DIAPH3: variants seen among roughly 807,000 people sequenced by gnomAD.
The protein encoded by DIAPH3 is diaphanous related formin 3, also known as protein diaphanous homolog 3.
Under a neutral mutation model 144.3 loss-of-function variants are expected in DIAPH3, and 117 were observed. That is an observed-to-expected ratio of 0.81 (90% confidence interval 0.70 to 0.95). DIAPH3 has a LOEUF of 0.95. DIAPH3 is among the 40% of genes least tolerant of loss of function. The probability of loss-of-function intolerance (pLI) is 0.00; values close to 1 mark genes in which losing one functional copy is unlikely to be tolerated. For synonymous variants in DIAPH3, 519 were observed against 488.9 expected (o/e 1.06, Z -0.81); for missense variants, 1,421 against 1,412.7 (o/e 1.01, Z -0.09).
chr13:59,861,119 C>T lies in DIAPH3; in HGVS notation c.2737+288G>A. 5.4e-6 allele frequency: 5 copies of T among 922,018 alleles called. No individual in the cohort carries two copies. In the South Asian group the frequency reaches 9.7e-5, roughly 18 times the overall value. 57.1% of individuals were successfully genotyped at this position (922,018 alleles called of 1,614,324 possible). A position where few individuals can be genotyped will look rare whatever the true frequency, so the allele number is the denominator to read the frequency against. On this transcript the variant is annotated intron_variant, in intron 22 of 27. Transcript: ENST00000400324. ...AGAGCATCACCCTGGCCAAAAAGTGCAGGAGATTTAGCAGTAGAAGGTAGG... is the reference window on the plus strand; with the variant it reads ...AGAGCATCACCCTGGCCAAAAAGTGTAGGAGATTTAGCAGTAGAAGGTAGG...
At chr13:60,136,567 T>G (rs2059283611) in intron 1 of DIAPH3, among the ~76,000 whole-genome samples, 1 of 151,602 alleles carries the variant, frequency 6.6e-6, no homozygotes. Context: ...ATATATTACC[T>G]ACCTGGCCTA....
chr13:59,957,250 T>C (rs2049463889), intron 17 of DIAPH3, among the ~76,000 whole-genome samples: 1 of 152,188 alleles, frequency 6.6e-6, no homozygotes, highest in African/African-American at 2.4e-5. Context: ...AAATCTTATC[T>C]TGAATTGTAA....
intron 17 of DIAPH3, among the ~76,000 whole-genome samples, chr13:59,958,929 G>A (rs1033583962): frequency 6.9e-6 from 1 of 145,106 alleles, no homozygotes; most frequent in Non-Finnish European, 1.5e-5. Flanking sequence ...AGGCTGGAGA[G>A]CAATGGCACG....
At chr13:59,731,441 T>C (rs921758463) in intron 27 of DIAPH3, among the ~76,000 whole-genome samples, 1 of 152,188 alleles carries the variant, frequency 6.6e-6, no homozygotes, top group African/African-American at 2.4e-5. Context: ...AATCCAATTA[T>C]ATAATTATAT....
intron 2 of DIAPH3, among the ~76,000 whole-genome samples, chr13:60,126,367 A>C (rs924415142): frequency 6.6e-6 from 1 of 152,208 alleles, no homozygotes; most frequent in African/African-American, 2.4e-5. Context: ...AAGAACTAAA[A>C]ACTAATAAAA....
At chr13:60,041,400 C>T (rs17057558) in intron 5 of DIAPH3, among the ~76,000 whole-genome samples, 3,696 of 152,262 alleles carry the variant, frequency 0.024, 119 homozygotes, top group African/African-American at 0.083. Flanking sequence ...AACCATTAGT[C>T]TGCAGTCTAG....
At chr13:59,888,128 A>G (rs1458674051) in intron 20 of DIAPH3, among the ~76,000 whole-genome samples, 1 of 152,058 alleles carries the variant, frequency 6.6e-6, no homozygotes, top group Non-Finnish European at 1.5e-5. Context: ...AATGTTGAGA[A>G]CTTACTCACC....
chr13:59,832,661 C>T (rs746187613), intron 24 of DIAPH3, among the ~76,000 whole-genome samples: 11 of 151,572 alleles, frequency 7.3e-5, no homozygotes, highest in African/African-American at 2.4e-4. Flanking sequence ...GGAAACCCTA[C>T]GAATGTAAAA....
intron 17 of DIAPH3, among the ~76,000 whole-genome samples, chr13:59,925,102 G>A (rs923184675): frequency 6.6e-5 from 10 of 151,896 alleles, no homozygotes; most frequent in African/African-American, 2.2e-4. Flanking sequence ...GGTCTAACAG[G>A]AAAAACAAAA....
At chr13:59,975,727 G>A (rs951659295) in intron 14 of DIAPH3, among the ~76,000 whole-genome samples, 1 of 151,960 alleles carries the variant, frequency 6.6e-6, no homozygotes, top group African/African-American at 2.4e-5. Flanking sequence ...TTACAGGGAA[G>A]GAAGGTAAAT....
chr13:59,742,182 T>C (rs2036489621), intron 27 of DIAPH3, among the ~76,000 whole-genome samples: 2 of 152,106 alleles, frequency 1.3e-5, no homozygotes, highest in South Asian at 4.2e-4. Flanking sequence ...GATTTAATTA[T>C]CTCTACCTGG....
At chr13:59,813,488 G>A (rs1461943813) in intron 24 of DIAPH3, among the ~76,000 whole-genome samples, 1 of 152,048 alleles carries the variant, frequency 6.6e-6, no homozygotes, top group Non-Finnish European at 1.5e-5. Flanking sequence ...ACAGTCAGTG[G>A]TTTTCCACCA....
chr13:60,004,777 AAC>A lies in DIAPH3; in HGVS notation c.1014+3765_1014+3766del, dbSNP rs538436742. 4.4e-4 allele frequency among the ~76,000 whole-genome samples: 67 copies of A among 152,328 alleles called. No individual in the cohort carries two copies. The East Asian group carries it at 0.011, about 25-fold the overall frequency. On this transcript the variant is annotated intron_variant, in intron 9 of 27. Transcript: ENST00000400324. ...AGTGTTTACAGGATATCAAATAATT[AAC>A]ACTACTACTAACTGTAACAGAAAAT... is the stretch of plus-strand genomic sequence containing the variant.
chr13:60,024,627 T>C (rs2054260106), intron 5 of DIAPH3, among the ~76,000 whole-genome samples: 1 of 152,218 alleles, frequency 6.6e-6, no homozygotes, highest in African/African-American at 2.4e-5. Context: ...TCTTTTTTCA[T>C]TCAGTTTGTG....
intron 27 of DIAPH3, among the ~76,000 whole-genome samples, chr13:59,682,616 C>T (rs1566176582): frequency 6.6e-6 from 1 of 152,158 alleles, no homozygotes; most frequent in Non-Finnish European, 1.5e-5. Flanking sequence ...TTTAGCTGTA[C>T]TTATGCAGAA....
At chr13:59,925,309 C>T (rs1236096518) in intron 17 of DIAPH3, among the ~76,000 whole-genome samples, 2 of 152,158 alleles carry the variant, frequency 1.3e-5, no homozygotes, top group African/African-American at 2.4e-5. Flanking sequence ...ATATACAATA[C>T]CATTCTTATT....
At chr13:59,987,156 T>A (rs1193629952) in intron 12 of DIAPH3, among the ~76,000 whole-genome samples, 4 of 151,904 alleles carry the variant, frequency 2.6e-5, no homozygotes, top group Admixed American at 6.6e-5. Context: ...TAAAAAATGA[T>A]GAGTTCAAGT....
At chr13:60,156,939 A>ATATATTTTTTTTTTTT (rs1337230427) in intron 1 of DIAPH3, among the ~76,000 whole-genome samples, 1 of 82,070 alleles carries the variant, frequency 1.2e-5, no homozygotes, top group Non-Finnish European at 2.3e-5. Flanking sequence ...ATATATATAT[A>ATATATTTTTTTTTTTT]TTTTTTTTTT....
At chr13:59,924,391 C>T (rs1415700420) in intron 18 of DIAPH3, among the ~76,000 whole-genome samples, 11 of 152,006 alleles carry the variant, frequency 7.2e-5, no homozygotes, top group Non-Finnish European at 1.5e-5. Context: ...GATCAAGTAT[C>T]ACAAATATTA....
Sources: gnomAD v4.1 joint callset for allele counts (sites outside exome capture counted in the v4.1 genomes callset) on GRCh38, gnomAD v4.1.1 for gene constraint, MANE v1.5 for transcripts, NCBI Gene and HGNC (gene_info 2026-07-23, HGNC 2026-07-21) for gene names.